SDS: variants seen among roughly 807,000 people sequenced by gnomAD.
The protein encoded by SDS is serine dehydratase.
Under a neutral mutation model 29.3 loss-of-function variants are expected in SDS, and 19 were observed. The ratio of observed to expected loss-of-function variants is 0.65; its 90% CI spans 0.45 to 0.95. The LOEUF is 0.95. Among genes scored for constraint, SDS ranks in the 40% least tolerant of loss-of-function variants. The pLI is 0.00. For missense variants in SDS, 375 were observed against 439.9 expected (o/e 0.85, Z 1.32); for synonymous variants, 176 against 189.0 (o/e 0.93, Z 0.56).
At chr12:113,396,792 AT>A in intron 6 of SDS, 1 of 265,148 alleles carries the variant, frequency 3.8e-6, no homozygotes, top group South Asian at 5.5e-5. Flanking sequence ...CGCCCAGTTA[AT>A]TTAAAAAAAA....
chr12:113,398,147 T>G (rs1047826653), intron 5 of SDS, among the ~76,000 whole-genome samples: 10 of 150,762 alleles, frequency 6.6e-5, no homozygotes, highest in African/African-American at 1.7e-4. Flanking sequence ...CATGGCTCAC[T>G]GCAACTTCCA....
chr12:113,393,191 C>G (rs753468749), intron 7 of SDS, 42 bp from the exon 8 acceptor site: 2 of 1,587,262 alleles, frequency 1.3e-6, no homozygotes, highest in Admixed American at 3.3e-5. Flanking sequence ...CCTGAGTTTC[C>G]CAGGGTGCAC....
chr12:113,399,356 G>T, intron 2 of SDS, 200 bp downstream of exon 2: 1 of 836,498 alleles, frequency 1.2e-6, no homozygotes, highest in Non-Finnish European at 1.9e-6. Flanking sequence ...GCGACTGATG[G>T]CTCTGGGATC....
At chr12:113,401,543 T>C (rs1199019583) in intron 1 of SDS, among the ~76,000 whole-genome samples, 2 of 152,134 alleles carry the variant, frequency 1.3e-5, no homozygotes, top group East Asian at 3.9e-4. Flanking sequence ...GCTGTTGTTT[T>C]AAGTCACATT....
In SDS at chr12:113,398,823, C is replaced by T. The variant is rs1296056926; in HGVS notation, c.217G>A (p.Ala73Thr). 1 of 1,607,278 alleles carries T rather than the reference C, an allele frequency of 6.2e-7. No individual in the cohort carries two copies. Among genetic ancestry groups the T allele is most frequent in the Non-Finnish European group, 8.5e-7 (1 of 1,177,438 alleles). Residue 73 changes from alanine to threonine, a missense_variant, in exon 4 of 8, where the codon GCA (alanine) becomes ACA (threonine). Coordinates refer to ENST00000257549, the MANE Select transcript of SDS (RefSeq NM_006843.3). ...ACGCCGAGTTGCCTGGCCGCATATG[C>T]AGCCGCCATGCCTGCGTTGCCCGCT... ...SSAGNAGMAAAYAARQLGVPA... is the reference protein window; with the variant it reads ...SSAGNAGMAATYAARQLGVPA...
At chr12:113,399,206 T>C (rs1957668621) in intron 2 of SDS, 55 bp from the exon 3 acceptor site, 3 of 1,577,218 alleles carry the variant, frequency 1.9e-6, no homozygotes, top group Non-Finnish European at 2.6e-6. Context: ...TTGCCTGTGC[T>C]CTTCCTCCCC....
At chr12:113,393,197 T>G in intron 7 of SDS, 48 bp from the exon 8 acceptor site, 1 of 1,571,258 alleles carries the variant, frequency 6.4e-7, no homozygotes, top group Non-Finnish European at 8.7e-7. Flanking sequence ...TTTCCCAGGG[T>G]GCACAGGAGC....
chr12:113,393,573 T>G (rs1957624889), intron 7 of SDS, among the ~76,000 whole-genome samples: 1 of 152,168 alleles, frequency 6.6e-6, no homozygotes, highest in Non-Finnish European at 1.5e-5. Context: ...TGAATCAAAC[T>G]CTGAGCCCCA....
chr12:113,403,459 G>C (rs369082495), intron 1 of SDS, among the ~76,000 whole-genome samples: 64 of 152,182 alleles, frequency 4.2e-4, no homozygotes, highest in African/African-American at 1.5e-3. Context: ...AGGAGGTGGA[G>C]GTTGCAGTGA....
At position 113,393,154 on chromosome 12, in the gene SDS, C is replaced by A. The variant is rs1311987126; in HGVS notation, c.779-5G>T. On this transcript the variant is annotated splice_polypyrimidine_tract_variant and splice_region_variant and intron_variant, in intron 7 of 7. Coordinates refer to ENST00000257549, the MANE Select transcript of SDS (RefSeq NM_006843.3). ...CCACCAGGATCTTCTCATCATCTGC[C>A]AGAGAAGGGGCGTGACAGGGGCGTG... 3 of 1,613,284 alleles carry A rather than the reference C, an allele frequency of 1.9e-6. No homozygotes were observed. The highest frequency in any genetic ancestry group is 1.1e-5 in the South Asian group (1 of 91,030).
At chr12:113,401,564 T>C (rs927932362) in intron 1 of SDS, among the ~76,000 whole-genome samples, 1 of 152,036 alleles carries the variant, frequency 6.6e-6, no homozygotes, top group African/African-American at 2.4e-5. Context: ...TTGGGGTAGT[T>C]TGGTACACAG....
At chr12:113,398,924 G>T in intron 3 of SDS, 78 bp from the exon 4 acceptor site, 1 of 1,533,824 alleles carries the variant, frequency 6.5e-7, no homozygotes, top group East Asian at 2.4e-5. Flanking sequence ...CCCTCTACTG[G>T]GGGCTCTGGA....
Position 113,398,829 on chromosome 12 carries a change from C to T in SDS, c.211G>A (p.Ala71Thr), listed in dbSNP as rs773442207. Residue 71 changes from alanine (A) to threonine (T), a missense_variant, in exon 4 of 8, where the codon GCG becomes ACG. Transcript: ENST00000257549. The part of the protein sequence containing the change: ...VCSSAGNAGM[A>T]AAYAARQLGV... ...AGTTGCCTGGCCGCATATGCAGCCGCCATGCCTGCGTTGCCCGCTGCCAGG... is the reference window on the plus strand; with the variant it reads ...AGTTGCCTGGCCGCATATGCAGCCGTCATGCCTGCGTTGCCCGCTGCCAGG... The T allele has an allele frequency of 1.5e-5, 24 of 1,608,274 alleles. No homozygotes were observed. The highest frequency in any genetic ancestry group is 1.9e-5 in the Non-Finnish European group (22 of 1,177,554).
At position 113,397,199 on chromosome 12, in the gene SDS, CG is replaced by C; in HGVS notation, c.618del (p.Ala207GlnfsTer19). ...TTGGGCAGGGAGACAAGTTTGCCTG[CG>C]GTGGTGGCAGCGTGGAAGCTGTGGG... ...FGAHSFHAAT[T>X]AGKLVSLPKI... On this transcript the variant is annotated frameshift_variant, in exon 6 of 8. Coordinates refer to ENST00000257549, the MANE Select transcript of SDS (RefSeq NM_006843.3). LOFTEE classifies it high-confidence loss of function. The C allele has an allele frequency of 6.2e-7, 1 of 1,614,184 alleles. No individual in the cohort carries two copies. Among genetic ancestry groups the C allele is most frequent in the Non-Finnish European group, 8.5e-7 (1 of 1,180,020 alleles).
chr12:113,393,273 A>G (rs751223939), intron 7 of SDS, 124 bp from the exon 8 acceptor site: 8 of 955,910 alleles, frequency 8.4e-6, no homozygotes, highest in African/African-American at 1.6e-5. Context: ...CTGCAGCCGC[A>G]GGTCCTGAAC....
chr12:113,400,306 A>AG (rs943487207), intron 1 of SDS, among the ~76,000 whole-genome samples: 5 of 151,772 alleles, frequency 3.3e-5, no homozygotes, highest in African/African-American at 1.2e-4. Flanking sequence ...AAAAAAAAAA[A>AG]AAGAAGAAGA....
At chr12:113,398,489 AC>A (rs1241265520) in intron 5 of SDS, 25 bp downstream of exon 5, 1 of 1,499,996 alleles carries the variant, frequency 6.7e-7, no homozygotes, top group African/African-American at 1.4e-5. Context: ...TGCCACCCCC[AC>A]CAAGTGACCT....
chr12:113,399,194 C>A, intron 2 of SDS, 43 bp from the exon 3 acceptor site: 1 of 1,605,002 alleles, frequency 6.2e-7, no homozygotes, highest in South Asian at 1.1e-5. Flanking sequence ...ACCTCCCAGT[C>A]ATTGCCTGTG....
intron 5 of SDS, 117 bp downstream of exon 5, chr12:113,398,398 G>C: frequency 1.4e-6 from 1 of 691,148 alleles, no homozygotes; most frequent in Admixed American, 2.7e-5. Flanking sequence ...GGTGGTGTGC[G>C]CACACATGTG....
Sources: gnomAD v4.1 joint callset for allele counts (sites outside exome capture counted in the v4.1 genomes callset) on GRCh38, gnomAD v4.1.1 for gene constraint, MANE v1.5 for transcripts, NCBI Gene and HGNC (gene_info 2026-07-23, HGNC 2026-07-21) for gene names.